Variants in RUSC2 observed in about 807,000 individuals in gnomAD.
RUSC2 encodes AP-4 complex accessory subunit RUSC2.
In RUSC2, 34 loss-of-function variants were observed where a neutral mutation model predicts 122.2. The ratio of observed to expected loss-of-function variants is 0.28; its 90% CI spans 0.21 to 0.37. The LOEUF is 0.37. Among genes scored for constraint, RUSC2 ranks in the 10% least tolerant of loss-of-function variants. The pLI, the probability that RUSC2 is intolerant of heterozygous loss-of-function variation, is 1.00. For missense variants in RUSC2, 1,747 were observed against 1,952.4 expected (o/e 0.89, Z 1.98); for synonymous variants, 784 against 790.0 (o/e 0.99, Z 0.13).
intron 1 of RUSC2, among the ~76,000 whole-genome samples, chr9:35,529,118 T>C (rs1426729041): frequency 6.6e-6 from 1 of 152,230 alleles, no homozygotes; most frequent in African/African-American, 2.4e-5. Flanking sequence ...AATTTTTCTC[T>C]GTTGCAAGTA....
In RUSC2 at chr9:35,560,599, G is replaced by C. The variant is rs1295181838; in HGVS notation, c.3959G>C (p.Gly1320Ala). ...CCCCAGGCTCCACCACCCCGAGAGG[G>C]AGTAGTGGAGGGGGCTGAGGCCTGC... ...GPPQAPPPRE[G>A]VVEGAEACPA... The change falls in exon 10 of 12, where the codon GGA becomes GCA. Residue 1320 changes from glycine to alanine, a missense_variant. Gly to Ala is a moderately conservative substitution (Grantham distance 60). Coordinates refer to ENST00000361226, the MANE Select transcript of RUSC2 (RefSeq NM_014806.5). 2 of 1,613,106 alleles carry C rather than the reference G, an allele frequency of 1.2e-6. No individual in the cohort carries two copies. The highest frequency in any genetic ancestry group is 4.5e-5 in the East Asian group (2 of 44,870).
intron 1 of RUSC2, among the ~76,000 whole-genome samples, chr9:35,535,220 A>C (rs547942456): frequency 6.6e-6 from 1 of 151,960 alleles, no homozygotes; most frequent in South Asian, 2.1e-4. Flanking sequence ...AGTTCAAGTG[A>C]TTCTCCTGCC....
intron 1 of RUSC2, among the ~76,000 whole-genome samples, chr9:35,543,094 CGTA>C: frequency 6.6e-6 from 1 of 152,074 alleles, no homozygotes; most frequent in South Asian, 2.1e-4. Flanking sequence ...CCAGGGGAAA[CGTA>C]GTTATGTATG....
At chr9:35,537,819 C>G (rs1413387296) in intron 1 of RUSC2, among the ~76,000 whole-genome samples, 3 of 152,178 alleles carry the variant, frequency 2.0e-5, no homozygotes, top group African/African-American at 7.2e-5. Flanking sequence ...GTTTGGGGAC[C>G]AAGCCCTGCT....
intron 2 of RUSC2, among the ~76,000 whole-genome samples, chr9:35,553,862 T>C (rs1363434196): frequency 6.6e-6 from 1 of 152,092 alleles, no homozygotes; most frequent in Non-Finnish European, 1.5e-5. Flanking sequence ...TTGATGTAAA[T>C]AAGATGAGGG....
rs764848038 is a variant in RUSC2, at chr9:35,560,150, C to T, written c.3510C>T (p.Leu1170=). 106 of 1,609,292 alleles carry T rather than the reference C, an allele frequency of 6.6e-5. No homozygotes were observed. The highest frequency in any genetic ancestry group is 8.1e-5 in the Non-Finnish European group (95 of 1,179,966). Residue 1170 remains leucine, a synonymous_variant, in exon 10 of 12, where the codon CTC becomes CTT. Transcript: ENST00000361226. ...CCCTGGCCCTGCTGCCCTTCAGCCT[C>T]GACTTGCTGTTCCAGCACCGGCTGC... ...LQPLALLPFS[L]DLLFQHRLLQ...
chr9:35,547,474 G>A lies in RUSC2; in HGVS notation c.953G>A (p.Gly318Asp), dbSNP rs765281972. Residue 318 changes from glycine (G) to aspartate (D), a missense_variant, in exon 2 of 12, where the codon GGC becomes GAC. By Grantham distance (94) the Gly-to-Asp change is moderately conservative. Transcript: ENST00000361226. The surrounding 1 kb of genome is among the most constrained non-coding windows in gnomAD (Gnocchi z 4.6). The part of the protein sequence containing the change: ...DSSFCSHSDP[G>D]AFYLDLQPSP... ...TCCTTCTGCAGCCACTCAGACCCTG[G>A]CGCCTTCTATCTGGATCTGCAGCCC... 1.2e-6 allele frequency: 2 copies of A among 1,614,154 alleles called. No homozygotes were observed. Among genetic ancestry groups the A allele is most frequent in the East Asian group, 2.2e-5 (1 of 44,882 alleles).
chr9:35,521,374 C>A (rs1821211135), intron 1 of RUSC2, among the ~76,000 whole-genome samples: 1 of 152,150 alleles, frequency 6.6e-6, no homozygotes, highest in Non-Finnish European at 1.5e-5. Flanking sequence ...CCCTTTTGAG[C>A]ATAGAGACCC....
At chr9:35,491,204 G>GTTCC (rs904292532) in intron 1 of RUSC2, among the ~76,000 whole-genome samples, 6 of 152,150 alleles carry the variant, frequency 3.9e-5, no homozygotes, top group African/African-American at 1.4e-4. Flanking sequence ...GGGGGTTTGG[G>GTTCC]TTCCACGCGG....
At chr9:35,531,919 G>T (rs919647527) in intron 1 of RUSC2, among the ~76,000 whole-genome samples, 1 of 152,164 alleles carries the variant, frequency 6.6e-6, no homozygotes, top group Admixed American at 6.5e-5. Flanking sequence ...CCAGCTACTC[G>T]GGAGACTGAG....
chr9:35,509,108 G>A lies in RUSC2; in HGVS notation c.-93+18936G>A, dbSNP rs111945771. Among the ~76,000 whole-genome samples the A allele has an allele frequency of 5.8e-3, 883 of 152,276 alleles. 15 individuals are homozygous for A. The highest frequency in any genetic ancestry group is 0.02 in the African/African-American group (847 of 41,554). Reference sequence around the variant, plus strand: ...CTCTCACCTATAATCTCAGCACTTTGGGAGGCTAAGGCCGGATCACTTGAA... The same window carrying A: ...CTCTCACCTATAATCTCAGCACTTTAGGAGGCTAAGGCCGGATCACTTGAA... On this transcript the variant is annotated intron_variant, in intron 1 of 11. Transcript: ENST00000361226.
chr9:35,521,634 G>A (rs1821217060), intron 1 of RUSC2, among the ~76,000 whole-genome samples: 1 of 152,206 alleles, frequency 6.6e-6, no homozygotes, highest in South Asian at 2.1e-4. Context: ...GGGGGTGGAC[G>A]TTTAGCTGAA....
chr9:35,513,939 T>TATATATATATATATATA (rs1587842444), intron 1 of RUSC2, among the ~76,000 whole-genome samples: 1 of 141,632 alleles, frequency 7.1e-6, no homozygotes, highest in Non-Finnish European at 1.5e-5. Flanking sequence ...TATATATATA[T>TATATATATATATATATA]TACTTTATGT....
chr9:35,506,016 G>A (rs1345103549), intron 1 of RUSC2, among the ~76,000 whole-genome samples: 1 of 152,144 alleles, frequency 6.6e-6, no homozygotes, highest in Non-Finnish European at 1.5e-5. Context: ...AAAATAAAAG[G>A]TATCCAGATT....
chr9:35,534,625 G>A (rs991869881), intron 1 of RUSC2, among the ~76,000 whole-genome samples: 1 of 152,130 alleles, frequency 6.6e-6, no homozygotes, highest in African/African-American at 2.4e-5. Flanking sequence ...GGGATTACAG[G>A]TGTGCACCAT....
intron 1 of RUSC2, among the ~76,000 whole-genome samples, chr9:35,544,112 T>C (rs1166909802): frequency 1.3e-5 from 2 of 152,098 alleles, no homozygotes; most frequent in Admixed American, 6.6e-5. Flanking sequence ...TCATCAACAT[T>C]TGCTAGTTGT....
chr9:35,495,286 A>G (rs1341380035), intron 1 of RUSC2, among the ~76,000 whole-genome samples: 1 of 126,332 alleles, frequency 7.9e-6, no homozygotes, highest in African/African-American at 2.9e-5. Context: ...TATATATATT[A>G]TACATATAGT....
intron 1 of RUSC2, among the ~76,000 whole-genome samples, chr9:35,520,274 T>C (rs762749148): frequency 6.6e-6 from 1 of 152,100 alleles, no homozygotes; most frequent in African/African-American, 2.4e-5. Flanking sequence ...ATGACTCCTC[T>C]GTAGAGAACA....
chr9:35,550,445 G>T (rs182514945), intron 2 of RUSC2, among the ~76,000 whole-genome samples: 1 of 151,944 alleles, frequency 6.6e-6, no homozygotes, highest in Admixed American at 6.6e-5. Context: ...GGCCAACATG[G>T]TGAAACCCCA....
Sources: allele counts gnomAD v4.1 joint callset (sites outside exome capture counted in the v4.1 genomes callset), GRCh38; gene constraint gnomAD v4.1.1; non-coding constraint Gnocchi (gnomAD v3.1); transcripts MANE v1.5; gene names NCBI Gene and HGNC (gene_info 2026-07-23, HGNC 2026-07-21).